The following WDR17 variants were observed in gnomAD, a reference collection of about 807,000 sequenced individuals.
The protein encoded by WDR17 is WD repeat domain 17.
WDR17 carries 143 observed loss-of-function variants against 161.7 expected under a neutral mutation model. The observed-to-expected ratio is 0.88, with a 90% CI of 0.77 to 1.02. The LOEUF (loss-of-function observed/expected upper bound fraction) is 1.02, where lower values mean the gene tolerates loss of function less well. WDR17 is among the 50% of genes least tolerant of loss of function. WDR17 has a pLI of 0.00. For synonymous variants in WDR17, 517 were observed against 515.6 expected, an observed-to-expected ratio of 1.00 and a Z score of -0.04; for missense variants, 1,469 against 1,520.9, an observed-to-expected ratio of 0.97 and a Z score of 0.57.
intron 3 of WDR17, among the ~76,000 whole-genome samples, 193 bp downstream of exon 3, chr4:176,116,172 T>C (rs1740593063): frequency 6.6e-6 from 1 of 151,930 alleles, no homozygotes; most frequent in South Asian, 2.1e-4. Context: ...GAAATAATTA[T>C]ACGTAGAACA....
At chr4:176,152,796 A>G (rs576541776) in intron 17 of WDR17, among the ~76,000 whole-genome samples, 1 of 147,138 alleles carries the variant, frequency 6.8e-6, no homozygotes, top group East Asian at 2.1e-4. Context: ...TTAGCCCAGC[A>G]TGGTGGCGTA....
intron 22 of WDR17, among the ~76,000 whole-genome samples, chr4:176,167,905 G>A (rs982608427): frequency 5.3e-5 from 8 of 151,640 alleles, no homozygotes; most frequent in Admixed American, 4.6e-4. Context: ...CCAACACTTC[G>A]GGAGGCCAAG....
intron 17 of WDR17, among the ~76,000 whole-genome samples, chr4:176,155,552 T>TTC (rs1747955522): frequency 1.4e-5 from 2 of 143,112 alleles, no homozygotes; most frequent in Admixed American, 6.9e-5. Flanking sequence ...TGTGTTTTTT[T>TTC]TTTTTTTTTG....
At chr4:176,077,403 T>C (rs1274767872) in intron 1 of WDR17, among the ~76,000 whole-genome samples, 1 of 105,224 alleles carries the variant, frequency 9.5e-6, no homozygotes, top group East Asian at 3.0e-4. Flanking sequence ...ACATACGTCC[T>C]GGGAGAAAGC....
At chr4:176,137,141 A>G (rs1744544206) in intron 8 of WDR17, among the ~76,000 whole-genome samples, 1 of 151,596 alleles carries the variant, frequency 6.6e-6, no homozygotes, top group South Asian at 2.1e-4. Context: ...GACTGAATAT[A>G]TGATAATATT....
intron 1 of WDR17, among the ~76,000 whole-genome samples, chr4:176,081,877 C>T: frequency 6.6e-6 from 1 of 152,102 alleles, no homozygotes; most frequent in East Asian, 1.9e-4. Context: ...TCATTCTCCT[C>T]CTAGGATAGG....
At position 176,160,899 on chromosome 4, in the gene WDR17, A is replaced by G. The variant is rs766717433; in HGVS notation, c.2659-12A>G. 2.3e-5 allele frequency: 37 copies of G among 1,574,876 alleles called. No individual in the cohort carries two copies. In the South Asian group the frequency reaches 4.4e-4, roughly 19 times the overall value. ...TAGCTAAAGAATAATTCAACATTTA[A>G]TTAAATTCTAGGCTGCTTGTGAAGG... is the stretch of plus-strand genomic sequence containing the variant. On this transcript the variant is annotated splice_polypyrimidine_tract_variant and intron_variant, in intron 19 of 28. Coordinates refer to ENST00000508596, the MANE Select transcript of WDR17 (RefSeq NM_181265.4).
intron 12 of WDR17, 96 bp from the exon 13 acceptor site, chr4:176,148,037 G>A (rs928295968): frequency 4.8e-6 from 5 of 1,032,482 alleles, no homozygotes; most frequent in African/African-American, 1.6e-5. Context: ...TTCTAGATAA[G>A]CTAACAAATA....
At chr4:176,172,314 C>T (rs1024719533) in intron 23 of WDR17, 61 bp from the exon 24 acceptor site, 10 of 1,481,432 alleles carry the variant, frequency 6.8e-6, no homozygotes, top group Non-Finnish European at 9.2e-6. Context: ...TTTGTACTTA[C>T]ACTATTGCTT....
chr4:176,089,022 CTAAT>C (rs1735770948), intron 1 of WDR17, among the ~76,000 whole-genome samples: 3 of 152,112 alleles, frequency 2.0e-5, no homozygotes, highest in Admixed American at 2.0e-4. Context: ...AAAACATAAT[CTAAT>C]TACACTGTAT....
chr4:176,137,646 G>T, intron 9 of WDR17, 35 bp downstream of exon 9: 1 of 1,232,598 alleles, frequency 8.1e-7, no homozygotes. Context: ...ATAATATAAT[G>T]TTTTATACTA....
intron 17 of WDR17, 31 bp downstream of exon 17, chr4:176,151,998 T>TTTAA: frequency 6.3e-7 from 1 of 1,593,960 alleles, no homozygotes. Flanking sequence ...AACTAATGAG[T>TTTAA]TTAACATAGT....
chr4:176,098,174 G>C (rs1737205660), intron 1 of WDR17: 2 of 191,098 alleles, frequency 1.0e-5, no homozygotes, highest in African/African-American at 4.7e-5. Flanking sequence ...CCCTCCTGGT[G>C]CTTACCACAG....
chr4:176,108,128 T>G (rs867988518), intron 1 of WDR17, among the ~76,000 whole-genome samples: 1 of 151,938 alleles, frequency 6.6e-6, no homozygotes, highest in Non-Finnish European at 1.5e-5. Flanking sequence ...AACCTTACAC[T>G]CCTGGTTGCA....
chr4:176,168,564 A>G, intron 22 of WDR17, 108 bp from the exon 23 acceptor site: 2 of 1,329,730 alleles, frequency 1.5e-6, no homozygotes, highest in Non-Finnish European at 2.1e-6. Context: ...TGTGTAAATT[A>G]AAAAGCAAGA....
chr4:176,116,198 A>C (rs1198915524), intron 3 of WDR17, among the ~76,000 whole-genome samples: 1 of 151,876 alleles, frequency 6.6e-6, no homozygotes, highest in African/African-American at 2.4e-5. Context: ...TCGACTAAAA[A>C]CATAGCCAAT....
In WDR17 at chr4:176,179,588, T is replaced by G; in HGVS notation, c.*9T>G. 1 of 1,539,064 alleles carries G rather than the reference T, an allele frequency of 6.5e-7. No homozygotes were observed. Among genetic ancestry groups the G allele is most frequent in the Non-Finnish European group, 8.7e-7 (1 of 1,144,302 alleles). On this transcript the variant is annotated 3_prime_UTR_variant, in exon 29 of 29. Transcript: ENST00000508596. ...GACTCAATCCATTCTGATAGAAGATTTTTGTCCATGCTTGATTTTTTTTTT... is the reference window on the plus strand; with the variant it reads ...GACTCAATCCATTCTGATAGAAGATGTTTGTCCATGCTTGATTTTTTTTTT...
chr4:176,115,683 T>C (rs568499480), intron 2 of WDR17, 113 bp from the exon 3 acceptor site: 1 of 725,106 alleles, frequency 1.4e-6, no homozygotes, highest in African/African-American at 1.8e-5. Flanking sequence ...ATCTTTATTA[T>C]TAGGTGAAAT....
chr4:176,087,983 A>G (rs892113605), intron 1 of WDR17, among the ~76,000 whole-genome samples: 1 of 151,828 alleles, frequency 6.6e-6, no homozygotes, highest in African/African-American at 2.4e-5. Flanking sequence ...AGCTGGGACT[A>G]CAGGTGTGTA....
Sources: gnomAD v4.1 joint callset for allele counts (sites outside exome capture counted in the v4.1 genomes callset) on GRCh38, gnomAD v4.1.1 for gene constraint, MANE v1.5 for transcripts, NCBI Gene and HGNC (gene_info 2026-07-23, HGNC 2026-07-21) for gene names.